OR7A10: variants seen among roughly 807,000 people sequenced by gnomAD.
OR7A10 encodes the protein olfactory receptor family 7 subfamily A member 10.
For synonymous variants in OR7A10, 144 were observed against 144.5 expected (o/e 1.00, Z 0.02); for missense variants, 358 against 370.1 (o/e 0.97, Z 0.27).
At chr19:14,846,104 A>G (rs559774947) in intron 1 of OR7A10, among the ~76,000 whole-genome samples, 1 of 152,288 alleles carries the variant, frequency 6.6e-6, no homozygotes, top group Admixed American at 6.5e-5. Context: ...CAGTAAGCCG[A>G]GATCGCACCA....
intron 1 of OR7A10, among the ~76,000 whole-genome samples, chr19:14,847,805 C>T (rs564006331): frequency 6.6e-6 from 1 of 151,460 alleles, no homozygotes; most frequent in Non-Finnish European, 1.5e-5. Flanking sequence ...TGAGCCACCA[C>T]GCCGGACCAA....
intron 1 of OR7A10, among the ~76,000 whole-genome samples, chr19:14,844,956 C>T (rs1171934017): frequency 6.6e-6 from 1 of 151,728 alleles, no homozygotes; most frequent in Non-Finnish European, 1.5e-5. Context: ...AGCCACCATG[C>T]CAGGCCAACT....
At chr19:14,844,508 G>T (rs1226650623) in intron 1 of OR7A10, among the ~76,000 whole-genome samples, 1 of 152,120 alleles carries the variant, frequency 6.6e-6, no homozygotes, top group Admixed American at 6.6e-5. Context: ...GGATGATGAG[G>T]AATGAGGTGA....
Position 14,841,349 on chromosome 19 carries a change from A to G in OR7A10, c.529T>C (p.Phe177Leu). ...PFCTHMEIPH[F>L]FCEINQVVHL... is the part of the protein sequence containing the mutation. ...ACCACCTGATTAATTTCACAGAAAA[A>G]ATGAGGGATTTCCATGTGTGTACAA... The change falls in exon 2 of 2, where the codon TTT becomes CTT. Residue 177 changes from phenylalanine to leucine, a missense_variant. Transcript: ENST00000641129. The G allele has an allele frequency of 6.2e-7, 1 of 1,614,174 alleles. No homozygotes were observed. Among genetic ancestry groups the G allele is most frequent in the Non-Finnish European group, 8.5e-7 (1 of 1,180,020 alleles).
In OR7A10 at chr19:14,840,877, A is replaced by G; in HGVS notation, c.*71T>C. 8.9e-7 allele frequency: 1 copy of G among 1,128,642 alleles called. No homozygotes were observed. Among genetic ancestry groups the G allele is most frequent in the Non-Finnish European group, 1.3e-6 (1 of 783,178 alleles). 69.9% of individuals were successfully genotyped at this position (1,128,642 alleles called of 1,614,324 possible). On this transcript the variant is annotated 3_prime_UTR_variant, in exon 2 of 2. Coordinates refer to ENST00000641129, the MANE Select transcript of OR7A10 (RefSeq NM_001005190.2). ...CAAGTCTTCCTTCCACCATCTTATT[A>G]ACAAATCACCATTTCTGGCTCTGGG...
Position 14,841,894 on chromosome 19 carries a change from C to CAG in OR7A10, c.-12-7_-12-6dup, listed in dbSNP as rs141373725. The CAG allele has an allele frequency of 0.036, 45,790 of 1,276,150 alleles. 574 individuals carry two copies. Among genetic ancestry groups the CAG allele is most frequent in the African/African-American group, 0.15 (9,447 of 63,644 alleles). The allele number at this position is 1,276,150 out of a possible 1,614,324, so 79.1% of individuals were successfully genotyped here. On this transcript the variant is annotated splice_polypyrimidine_tract_variant and splice_region_variant and intron_variant, in intron 1 of 1. Transcript: ENST00000641129. ...TGATTTCATCTTGTGATGTGACTAC[C>CAG]AGAGAGAGAGAGAGAGAGAGAGAGA...
intron 1 of OR7A10, among the ~76,000 whole-genome samples, chr19:14,844,453 A>T (rs924427880): frequency 2.6e-5 from 4 of 152,160 alleles, no homozygotes; most frequent in Admixed American, 1.3e-4. Context: ...AATCCAGTGT[A>T]GCGAGAGAAT....
chr19:14,842,029 T>C, intron 1 of OR7A10, 140 bp from the exon 2 acceptor site: 1 of 613,600 alleles, frequency 1.6e-6, no homozygotes, highest in South Asian at 2.3e-5. Flanking sequence ...TATTTTTAAG[T>C]TGACAGATAA....
chr19:14,841,958 A>C, intron 1 of OR7A10, 69 bp from the exon 2 acceptor site: 1 of 897,456 alleles, frequency 1.1e-6, no homozygotes, highest in East Asian at 2.5e-5. Context: ...TTCCAAAACT[A>C]TCAGAAATGT....
rs1568257756 is a variant in OR7A10, at chr19:14,841,222, G to A, written c.656C>T (p.Ser219Phe). The change falls in exon 2 of 2, where the codon TCT (serine) becomes TTT (phenylalanine). Residue 219 changes from serine to phenylalanine, a missense_variant. Coordinates refer to ENST00000641129, the MANE Select transcript of OR7A10 (RefSeq NM_001005190.2). ...TGCACGTATGGAGGAAACTATCTTA[G>A]AGTAAGAGTACAGGATCCCAGTGAG... ...GPLTGILYSY[S>F]KIVSSIRAIS... The A allele has an allele frequency of 6.2e-7, 1 of 1,614,166 alleles. No homozygotes were observed. The highest frequency in any genetic ancestry group is 1.1e-5 in the South Asian group (1 of 91,080).
At chr19:14,844,808 G>A (rs886617045) in intron 1 of OR7A10, among the ~76,000 whole-genome samples, 6 of 151,262 alleles carry the variant, frequency 4.0e-5, no homozygotes, top group Admixed American at 2.0e-4. Context: ...GATTATAGGC[G>A]CCTGCTACCA....
chr19:14,844,530 C>T (rs542733273), intron 1 of OR7A10, among the ~76,000 whole-genome samples: 42 of 152,304 alleles, frequency 2.8e-4, no homozygotes, highest in African/African-American at 9.1e-4. Flanking sequence ...CTCCTAAATG[C>T]TGAAATTTGA....
rs1433889708 is a variant in OR7A10 at position 14,840,887 on chromosome 19, C to G, written c.*61G>C. Reference sequence around the variant, plus strand: ...TTCCACCATCTTATTAACAAATCACCATTTCTGGCTCTGGGGCTTAGAGCT... The same window carrying G: ...TTCCACCATCTTATTAACAAATCACGATTTCTGGCTCTGGGGCTTAGAGCT... On this transcript the variant is annotated 3_prime_UTR_variant, in exon 2 of 2. Transcript: ENST00000641129. 7 of 1,201,622 alleles carry G rather than the reference C, an allele frequency of 5.8e-6. No individual in the cohort carries two copies. The highest frequency in any genetic ancestry group is 3.0e-5 in the South Asian group (2 of 67,216). The allele number at this position is 1,201,622 out of a possible 1,614,324, so 74.4% of individuals were successfully genotyped here. A position where few individuals can be genotyped will look rare whatever the true frequency, so the allele number is the denominator to read the frequency against.
rs781622837 is a variant in OR7A10, at chr19:14,841,742, T to A, written c.136A>T (p.Ile46Phe). ...TGGGAGTCTGAGATTGTGGCCAGGA[T>A]GATGAGCAGGTTCCCGAGCACAGTG... is the stretch of plus-strand genomic sequence containing the variant. Reference protein sequence around the residue: ...LVTVLGNLLIILATISDSHLH... With the variant: ...LVTVLGNLLIFLATISDSHLH... The change falls in exon 2 of 2, where the codon ATC (isoleucine) becomes TTC (phenylalanine). Residue 46 changes from isoleucine (I) to phenylalanine (F), a missense_variant. By Grantham distance (21) the Ile-to-Phe change is conservative (BLOSUM62 0). Coordinates refer to ENST00000641129, the MANE Select transcript of OR7A10 (RefSeq NM_001005190.2). 2 of 1,613,952 alleles carry A rather than the reference T, an allele frequency of 1.2e-6. No individual in the cohort carries two copies. Among genetic ancestry groups the A allele is most frequent in the Non-Finnish European group, 8.5e-7 (1 of 1,179,998 alleles).
chr19:14,848,121 TAAAA>T (rs34015234), intron 1 of OR7A10, among the ~76,000 whole-genome samples: 1 of 145,522 alleles, frequency 6.9e-6, no homozygotes, highest in African/African-American at 2.5e-5. Flanking sequence ...AGACTCTGTC[TAAAA>T]AAAAAAAAAT....
intron 1 of OR7A10, among the ~76,000 whole-genome samples, chr19:14,842,517 C>A (rs1272231985): frequency 6.6e-6 from 1 of 152,360 alleles, no homozygotes; most frequent in Non-Finnish European, 1.5e-5. Context: ...TCCCAAAGTG[C>A]TGGGATTACA....
chr19:14,841,539 G>A lies in OR7A10; in HGVS notation c.339C>T (p.Phe113=), dbSNP rs745619693. Residue 113 remains phenylalanine (F), a synonymous_variant, in exon 2 of 2, where the codon TTC becomes TTT. Transcript: ENST00000641129. ...FFLLFVGLDN[F]LLTVMAYDRF... ...GGTCATAGGCCATCACGGTCAGAAG[G>A]AAGTTATCCAATCCTACAAAGAGTA... The A allele has an allele frequency of 7.4e-6, 12 of 1,614,222 alleles. No individual in the cohort carries two copies. The South Asian group carries it at 1.3e-4, about 18-fold the overall frequency.
Position 14,841,089 on chromosome 19 carries a change from A to G in OR7A10, c.789T>C (p.Ala263=), listed in dbSNP as rs754111647. 31 of 1,614,114 alleles carry G rather than the reference A, an allele frequency of 1.9e-5. No homozygotes were observed. The South Asian group carries it at 3.4e-4, about 18-fold the overall frequency. Residue 263 remains alanine (A), a synonymous_variant, in exon 2 of 2, where the codon GCT becomes GCC. Coordinates refer to ENST00000641129, the MANE Select transcript of OR7A10 (RefSeq NM_001005190.2). ...CACCTGTGTGTGAATTGTGGGTGGC[A>G]GCAGAACTAAGGTACACCCCTAAGC... The part of the protein sequence containing the change: ...GTCLGVYLSS[A]ATHNSHTGAA...
chr19:14,844,414 C>T (rs948506690), intron 1 of OR7A10, among the ~76,000 whole-genome samples: 1 of 152,148 alleles, frequency 6.6e-6, no homozygotes, highest in Admixed American at 6.5e-5. Flanking sequence ...GAGGAATGTG[C>T]TTCTGGCAGA....
Sources: allele counts gnomAD v4.1 joint callset (sites outside exome capture counted in the v4.1 genomes callset), GRCh38; gene constraint gnomAD v4.1.1; transcripts MANE v1.5; gene names NCBI Gene and HGNC (gene_info 2026-07-23, HGNC 2026-07-21).